Variants in MDN1 observed in about 807,000 individuals in gnomAD.
MDN1 encodes midasin.
MDN1 carries 266 observed loss-of-function variants against 669.2 expected under a neutral mutation model. The ratio of observed to expected loss-of-function variants is 0.40; its 90% CI spans 0.36 to 0.44. The LOEUF (loss-of-function observed/expected upper bound fraction) is 0.44. MDN1 is among the 20% of genes least tolerant of loss of function. MDN1 has a pLI of 1.00. For synonymous variants in MDN1, 2,385 were observed against 2,457.1 expected (o/e 0.97, Z 0.87); for missense variants, 5,940 against 6,754.0 (o/e 0.88, Z 4.22).
chr6:89,728,373 G>A (rs751960657), intron 36 of MDN1, among the ~76,000 whole-genome samples: 2 of 151,914 alleles, frequency 1.3e-5, no homozygotes, highest in Admixed American at 6.6e-5. Flanking sequence ...AATTAACTGG[G>A]GTTATATTAC....
chr6:89,758,946 C>T lies in MDN1; in HGVS notation c.2475G>A (p.Gln825=), dbSNP rs1562188822. ...LFAFVEGTLA[Q]AVKKGEWILL... is the part of the protein sequence containing the mutation. ...AGATCCACTCTCCTTTCTTTACAGC[C>T]TGAGCTAATGTACCCTAGAAAAAGA... The change falls in exon 18 of 102, where the codon CAG becomes CAA. Residue 825 remains glutamine (Q), a synonymous_variant. Coordinates refer to ENST00000369393, the MANE Select transcript of MDN1 (RefSeq NM_014611.3). 6.2e-7 allele frequency: 1 copy of T among 1,613,718 alleles called. No individual in the cohort carries two copies. Among genetic ancestry groups the T allele is most frequent in the Non-Finnish European group, 8.5e-7 (1 of 1,179,680 alleles).
intron 99 of MDN1, among the ~76,000 whole-genome samples, chr6:89,647,825 C>A (rs1309675523): frequency 6.6e-6 from 1 of 152,098 alleles, no homozygotes; most frequent in Admixed American, 6.6e-5. Flanking sequence ...TGGTAGCATG[C>A]GCCTGTAGTC....
Position 89,803,452 on chromosome 6 carries a change from G to C in MDN1, c.205C>G (p.Leu69Val). ...VLVGRQLRPL[L>V]LDLLERNAEA... is the part of the protein sequence containing the mutation. ...GCATTCCTTTCCAGCAAATCCAAAA[G>C]GAGAGGGCGAAGCTGGCGACCAACC... The change falls in exon 2 of 102, where the codon CTT (leucine) becomes GTT (valine). Residue 69 changes from leucine to valine, a missense_variant. By Grantham distance (32) the Leu-to-Val change is conservative. Transcript: ENST00000369393. The C allele has an allele frequency of 6.2e-7, 1 of 1,614,190 alleles. No homozygotes were observed. The highest frequency in any genetic ancestry group is 1.3e-5 in the African/African-American group (1 of 75,040).
chr6:89,734,690 C>CGAGAGAGAGAGAGAGAGAGA (rs377530820), intron 33 of MDN1, among the ~76,000 whole-genome samples: 1 of 112,890 alleles, frequency 8.9e-6, no homozygotes, highest in African/African-American at 3.5e-5. Context: ...AAAAAAAAAA[C>CGAGAGAGAGAGAGAGAGAGA]AAGAGAGAGA....
intron 33 of MDN1, among the ~76,000 whole-genome samples, chr6:89,736,912 G>A (rs1412998508): frequency 6.6e-6 from 1 of 152,112 alleles, no homozygotes; most frequent in Non-Finnish European, 1.5e-5. Flanking sequence ...TCTGAGCCTG[G>A]GCCTTAGACC....
intron 91 of MDN1, among the ~76,000 whole-genome samples, chr6:89,656,289 A>G (rs996318244): frequency 5.9e-5 from 9 of 152,170 alleles, no homozygotes; most frequent in Non-Finnish European, 1.0e-4. Context: ...GGGGACAGGA[A>G]TAGGATGTAG....
At position 89,743,700 on chromosome 6, in the gene MDN1, G is replaced by C; in HGVS notation, c.4193C>G (p.Thr1398Ser). The change falls in exon 30 of 102, where the codon ACT becomes AGT. Residue 1398 changes from threonine to serine, a missense_variant. Around this residue, in one of 5 missense-constraint regions of MDN1, gnomAD observed 2,292 missense variants for 2,638.3 expected, o/e 0.87. Coordinates refer to ENST00000369393, the MANE Select transcript of MDN1 (RefSeq NM_014611.3). ...LVGDTGCGKT[T>S]ICQVFAALAN... ...CAAGGCTGCAAATACCTGACAGATA[G>C]TAGTTTTCCCACACCTGTTAGAGAT... 2 of 1,614,024 alleles carry C rather than the reference G, an allele frequency of 1.2e-6. No homozygotes were observed. Among genetic ancestry groups the C allele is most frequent in the African/African-American group, 1.3e-5 (1 of 75,040 alleles).
chr6:89,712,498 T>G, intron 48 of MDN1, 77 bp downstream of exon 48: 1 of 1,400,020 alleles, frequency 7.1e-7, no homozygotes, highest in Non-Finnish European at 1.0e-6. Context: ...CAGTTAAATA[T>G]ATTGTGTCCT....
At chr6:89,806,724 T>A (rs962205090) in intron 1 of MDN1, among the ~76,000 whole-genome samples, 2 of 151,254 alleles carry the variant, frequency 1.3e-5, no homozygotes, top group African/African-American at 4.9e-5. Context: ...TCCACCTCAA[T>A]AAAAAAATTT....
chr6:89,682,699 TAAAA>T (rs143107841), intron 73 of MDN1, among the ~76,000 whole-genome samples: 21 of 96,850 alleles, frequency 2.2e-4, no homozygotes, highest in South Asian at 4.5e-4. Flanking sequence ...GACTCTGTCT[TAAAA>T]AAAAAAAAAA....
At chr6:89,759,619 C>T (rs1021408997) in intron 17 of MDN1, among the ~76,000 whole-genome samples, 4 of 152,036 alleles carry the variant, frequency 2.6e-5, no homozygotes, top group African/African-American at 9.7e-5. Flanking sequence ...CAAAAAATAG[C>T]CGGGCGTGGT....
intron 11 of MDN1, 25 bp downstream of exon 11, chr6:89,780,187 A>G: frequency 1.4e-6 from 2 of 1,404,742 alleles, no homozygotes; most frequent in Non-Finnish European, 1.9e-6. Context: ...ACCAAGACAA[A>G]AAAGACTGGA....
chr6:89,809,784 T>TAAAAAAAATA (rs370925781), intron 1 of MDN1, among the ~76,000 whole-genome samples: 1 of 112,578 alleles, frequency 8.9e-6, no homozygotes. Flanking sequence ...TCAAAATAAA[T>TAAAAAAAATA]AAATAAAATA....
intron 1 of MDN1, among the ~76,000 whole-genome samples, chr6:89,807,160 C>T (rs1429477973): frequency 6.6e-6 from 1 of 152,116 alleles, no homozygotes; most frequent in African/African-American, 2.4e-5. Context: ...GATATCAGCT[C>T]ACTGCAGCCT....
intron 23 of MDN1, 75 bp downstream of exon 23, chr6:89,751,356 A>C (rs754276258): frequency 2.2e-5 from 34 of 1,546,114 alleles, no homozygotes; most frequent in Non-Finnish European, 3.0e-5. Flanking sequence ...TTGAAAGTTA[A>C]GGAAGTTAGA....
At chr6:89,646,510 T>C in intron 100 of MDN1, 30 bp downstream of exon 100, 1 of 1,604,464 alleles carries the variant, frequency 6.2e-7, no homozygotes, top group Non-Finnish European at 8.5e-7. Flanking sequence ...GAAAGCATTT[T>C]GTTAATGAAG....
chr6:89,717,503 C>T (rs1280135054), intron 43 of MDN1, among the ~76,000 whole-genome samples: 1 of 152,054 alleles, frequency 6.6e-6, no homozygotes. Flanking sequence ...AGTGTTGTCA[C>T]GGTGATTAAA....
At chr6:89,725,113 A>G in intron 38 of MDN1, 86 bp downstream of exon 38, 2 of 1,246,514 alleles carry the variant, frequency 1.6e-6, no homozygotes, top group Non-Finnish European at 2.3e-6. Flanking sequence ...TCTAATTCTC[A>G]TAGTGAATAT....
intron 74 of MDN1, among the ~76,000 whole-genome samples, chr6:89,680,180 T>C (rs1225413235): frequency 6.6e-6 from 1 of 152,170 alleles, no homozygotes; most frequent in Non-Finnish European, 1.5e-5. Flanking sequence ...GCCTGAGAAA[T>C]GAAACTGCTG....
Sources: gnomAD v4.1 joint callset for allele counts (sites outside exome capture counted in the v4.1 genomes callset) on GRCh38, gnomAD v4.1.1 for gene constraint, gnomAD v4.1.1 regional missense constraint, MANE v1.5 for transcripts, NCBI Gene and HGNC (gene_info 2026-07-23, HGNC 2026-07-21) for gene names.